The following NSMCE1 variants were observed in gnomAD, a reference collection of about 807,000 sequenced individuals.
The protein encoded by NSMCE1 is non-structural maintenance of chromosomes element 1 homolog.
Under a neutral mutation model 29.6 loss-of-function variants are expected in NSMCE1, and 18 were observed. The ratio of observed to expected loss-of-function variants is 0.61; its 90% CI spans 0.42 to 0.90. The LOEUF (loss-of-function observed/expected upper bound fraction) is 0.90. Among genes scored for constraint, NSMCE1 ranks in the 40% least tolerant of loss-of-function variants. The pLI, the probability that NSMCE1 is intolerant of heterozygous loss-of-function variation, is 0.00. For missense variants in NSMCE1, 314 were observed against 343.6 expected, an observed-to-expected ratio of 0.91 and a Z score of 0.68; for synonymous variants, 124 against 133.4, an observed-to-expected ratio of 0.93 and a Z score of 0.49.
chr16:27,226,542 G>T, intron 6 of NSMCE1, 178 bp downstream of exon 6: 1 of 567,800 alleles, frequency 1.8e-6, no homozygotes, highest in Non-Finnish European at 3.1e-6. Context: ...TCCCTGCGGG[G>T]CACAGCAGGG....
At chr16:27,251,191 A>ATATATATATATATATATAAAT (rs1555477411) in intron 2 of NSMCE1, among the ~76,000 whole-genome samples, 8 of 32,324 alleles carry the variant, frequency 2.5e-4, no homozygotes, top group East Asian at 3.2e-3. Context: ...TATATATATA[A>ATATATATATATATATATAAAT]ATATATATAT....
chr16:27,231,498 G>T (rs1187180839), intron 5 of NSMCE1, among the ~76,000 whole-genome samples: 1 of 152,158 alleles, frequency 6.6e-6, no homozygotes, highest in African/African-American at 2.4e-5. Context: ...TTAGCCGGGT[G>T]TGATGGCGCA....
intron 2 of NSMCE1, among the ~76,000 whole-genome samples, chr16:27,252,418 T>C (rs1567281817): frequency 6.6e-6 from 1 of 152,244 alleles, no homozygotes; most frequent in Non-Finnish European, 1.5e-5. Context: ...TCATTTCTAA[T>C]GGTGGATTCA....
chr16:27,251,159 A>AAAAT (rs1474447881), intron 2 of NSMCE1, among the ~76,000 whole-genome samples: 5 of 65,780 alleles, frequency 7.6e-5, no homozygotes, highest in South Asian at 1.0e-3. Flanking sequence ...AATTATTTAA[A>AAAAT]ATATATATAT....
At chr16:27,254,781 T>G (rs752098859) in intron 2 of NSMCE1, among the ~76,000 whole-genome samples, 1 of 151,934 alleles carries the variant, frequency 6.6e-6, no homozygotes, top group Non-Finnish European at 1.5e-5. Flanking sequence ...GAGACTGGGT[T>G]TCACCATGTT....
chr16:27,242,347 C>G (rs1370839611), intron 2 of NSMCE1, among the ~76,000 whole-genome samples: 1 of 152,094 alleles, frequency 6.6e-6, no homozygotes, highest in Non-Finnish European at 1.5e-5. Context: ...GTTCTGAGAT[C>G]TGTACACAGA....
chr16:27,233,253 AG>A (rs1180101206), intron 4 of NSMCE1, 106 bp from the exon 5 acceptor site: 1 of 879,924 alleles, frequency 1.1e-6, no homozygotes, highest in African/African-American at 1.7e-5. Context: ...CTCAGATCAC[AG>A]GCAGAACTGT....
In NSMCE1 at chr16:27,225,800, A is replaced by G; in HGVS notation, c.647T>C (p.Val216Ala). 6.2e-7 allele frequency: 1 copy of G among 1,614,172 alleles called. No homozygotes were observed. Among genetic ancestry groups the G allele is most frequent in the Admixed American group, 1.7e-5 (1 of 60,024 alleles). ...AGCATTCGACTGGAAGTACTTGGCCACGCAGGGTAAGTGCATCCTGATCCC... is the reference window on the plus strand; with the variant it reads ...AGCATTCGACTGGAAGTACTTGGCCGCGCAGGGTAAGTGCATCCTGATCCC... ...TCGIRMHLPC[V>A]AKYFQSNAEP... The change falls in exon 7 of 8, where the codon GTG (valine) becomes GCG (alanine). Residue 216 changes from valine to alanine, a missense_variant. Val to Ala is a moderately conservative substitution (Grantham distance 64). Coordinates refer to ENST00000361439, the MANE Select transcript of NSMCE1 (RefSeq NM_145080.4).
chr16:27,225,707 C>T lies in NSMCE1; in HGVS notation c.721+19G>A, dbSNP rs763822341. The T allele has an allele frequency of 1.9e-6, 3 of 1,613,632 alleles. No individual in the cohort carries two copies. The highest frequency in any genetic ancestry group is 2.7e-5 in the African/African-American group (2 of 74,932). ...CTGCTGGCCCAGCCCCTCCCATGAGCTCCTCAGGGCCCACGCACTTGGGAT... is the reference window on the plus strand; with the variant it reads ...CTGCTGGCCCAGCCCCTCCCATGAGTTCCTCAGGGCCCACGCACTTGGGAT... On this transcript the variant is annotated intron_variant, in intron 7 of 7. Transcript: ENST00000361439.
At chr16:27,229,085 T>C (rs1199002245) in intron 5 of NSMCE1, among the ~76,000 whole-genome samples, 2 of 152,138 alleles carry the variant, frequency 1.3e-5, no homozygotes, top group Admixed American at 1.3e-4. Flanking sequence ...AAGCCCCTAA[T>C]ACGCGTATCT....
chr16:27,227,768 C>T (rs986925880), intron 5 of NSMCE1, among the ~76,000 whole-genome samples: 1 of 134,618 alleles, frequency 7.4e-6, no homozygotes, highest in East Asian at 2.5e-4. Flanking sequence ...CTGTCACTCC[C>T]GTTTCTTTTC....
intron 1 of NSMCE1, among the ~76,000 whole-genome samples, chr16:27,259,869 G>A (rs867079867): frequency 6.6e-6 from 1 of 152,210 alleles, no homozygotes; most frequent in African/African-American, 2.4e-5. Context: ...GCCGGTCACA[G>A]TGGAAACATA....
At chr16:27,226,684 C>T (rs2083697710) in intron 6 of NSMCE1, 36 bp downstream of exon 6, 2 of 1,368,086 alleles carry the variant, frequency 1.5e-6, no homozygotes, top group South Asian at 1.2e-5. Context: ...AGCCGAGGGC[C>T]CAGTGATGAG....
chr16:27,237,366 G>A (rs892303806), intron 2 of NSMCE1, among the ~76,000 whole-genome samples: 10 of 152,178 alleles, frequency 6.6e-5, no homozygotes, highest in Admixed American at 6.5e-4. Flanking sequence ...ACCTTGGATG[G>A]CCTGTTTTTC....
At chr16:27,251,189 T>TATATATATATATATATAAAA (rs1459861130) in intron 2 of NSMCE1, among the ~76,000 whole-genome samples, 3 of 58,834 alleles carry the variant, frequency 5.1e-5, no homozygotes, top group African/African-American at 3.0e-4. Context: ...TATATATATA[T>TATATATATATATATATAAAA]AAATATATAT....
Position 27,243,444 on chromosome 16 carries a change from T to C in NSMCE1, c.137-8145A>G, listed in dbSNP as rs116865075. Among the ~76,000 whole-genome samples, 655 of 152,296 alleles carry C rather than the reference T, an allele frequency of 4.3e-3. 2 individuals carry two copies. Among genetic ancestry groups the C allele is most frequent in the Non-Finnish European group, 7.2e-3 (488 of 68,018 alleles). On this transcript the variant is annotated intron_variant, in intron 2 of 7. Transcript: ENST00000361439. Reference sequence around the variant, plus strand: ...TTGAACATACAAACAGCCAATGGGCTGCAGCCAATGGCCAGACCACGTATA... The same window carrying C: ...TTGAACATACAAACAGCCAATGGGCCGCAGCCAATGGCCAGACCACGTATA...
At chr16:27,262,665 T>C (rs2084172441) in intron 1 of NSMCE1, among the ~76,000 whole-genome samples, 3 of 152,142 alleles carry the variant, frequency 2.0e-5, no homozygotes, top group Admixed American at 2.0e-4. Flanking sequence ...GGCAATACCA[T>C]CCTGGACACA....
At position 27,226,782 on chromosome 16, in the gene NSMCE1, T is replaced by C; in HGVS notation, c.538A>G (p.Ile180Val). 1 of 1,614,040 alleles carries C rather than the reference T, an allele frequency of 6.2e-7. No homozygotes were observed. Among genetic ancestry groups the C allele is most frequent in the Non-Finnish European group, 8.5e-7 (1 of 1,179,922 alleles). The change falls in exon 6 of 8, where the codon ATC (isoleucine) becomes GTC (valine). Residue 180 changes from isoleucine to valine, a missense_variant. Ile to Val is a conservative substitution (Grantham distance 29). Transcript: ENST00000361439. ...GRAILEMEQY[I>V]RETYPDAVKI... ...ACCGCGTCGGGGTACGTCTCCCGGA[T>C]GTATTGCTCCATCTCCAGGATGGCC...
At chr16:27,236,842 G>C (rs749734329) in intron 2 of NSMCE1, among the ~76,000 whole-genome samples, 23 of 152,224 alleles carry the variant, frequency 1.5e-4, no homozygotes, top group Non-Finnish European at 3.2e-4. Flanking sequence ...TCGCCAGGAA[G>C]GGACTAAACG....
Sources: allele counts gnomAD v4.1 joint callset (sites outside exome capture counted in the v4.1 genomes callset), GRCh38; gene constraint gnomAD v4.1.1; transcripts MANE v1.5; gene names NCBI Gene and HGNC (gene_info 2026-07-23, HGNC 2026-07-21).